TENT4B: variants seen among roughly 807,000 people sequenced by gnomAD.
The protein encoded by TENT4B is terminal nucleotidyltransferase 4B, also known as PAP associated domain containing 5.
A neutral mutation model predicts 75.0 loss-of-function variants in TENT4B; 10 were observed. The observed-to-expected ratio is 0.13, with a 90% CI of 0.08 to 0.23. The LOEUF (loss-of-function observed/expected upper bound fraction) is 0.23, where lower values mean the gene tolerates loss of function less well. Ranked by LOEUF, TENT4B falls within the 10% of genes least tolerant of loss-of-function variation. The probability of loss-of-function intolerance (pLI) is 1.00; values close to 1 mark genes in which losing one functional copy is unlikely to be tolerated. For missense variants in TENT4B, 579 were observed against 893.8 expected, an observed-to-expected ratio of 0.65 and a Z score of 4.49; for synonymous variants, 350 against 357.7, an observed-to-expected ratio of 0.98 and a Z score of 0.24.
intron 4 of TENT4B, 74 bp downstream of exon 4, chr16:50,216,269 GT>G: frequency 1.3e-6 from 2 of 1,547,958 alleles, no homozygotes; most frequent in South Asian, 2.3e-5. Context: ...TTAAAGTTTG[GT>G]GAGCACAGTT....
At chr16:50,177,497 G>T (rs573702185) in intron 1 of TENT4B, among the ~76,000 whole-genome samples, 3 of 152,018 alleles carry the variant, frequency 2.0e-5, no homozygotes, top group African/African-American at 7.2e-5. Flanking sequence ...TTTCATCTAG[G>T]TTATCAAATT....
chr16:50,165,124 T>A (rs942461120), intron 1 of TENT4B, among the ~76,000 whole-genome samples: 10 of 152,274 alleles, frequency 6.6e-5, no homozygotes, highest in African/African-American at 1.4e-4. Context: ...ATACCATTTT[T>A]AATATCTCAT....
At chr16:50,180,330 C>T (rs1416632781) in intron 1 of TENT4B, among the ~76,000 whole-genome samples, 1 of 152,146 alleles carries the variant, frequency 6.6e-6, no homozygotes, top group African/African-American at 2.4e-5. Context: ...GTCTCGAACT[C>T]CTAACCTTGT....
chr16:50,219,406 C>A (rs2031722534), intron 5 of TENT4B, among the ~76,000 whole-genome samples: 1 of 152,038 alleles, frequency 6.6e-6, no homozygotes, highest in Non-Finnish European at 1.5e-5. Context: ...TTGCTTTATT[C>A]TTTTTGTTGG....
chr16:50,204,696 T>C (rs2030848736), intron 1 of TENT4B, among the ~76,000 whole-genome samples: 1 of 152,210 alleles, frequency 6.6e-6, no homozygotes, highest in Non-Finnish European at 1.5e-5. Context: ...TACAAAATCA[T>C]GCAAATTCAG....
In TENT4B at chr16:50,230,418, T is replaced by C; in HGVS notation, c.*1090T>C. 2 of 985,836 alleles carry C rather than the reference T, an allele frequency of 2.0e-6. No individual in the cohort carries two copies. The highest frequency in any genetic ancestry group is 2.4e-6 in the Non-Finnish European group (2 of 829,912). The allele number at this position is 985,836 out of a possible 1,614,324, so 61.1% of individuals were successfully genotyped here. A position where few individuals can be genotyped will look rare whatever the true frequency, so the allele number is the denominator to read the frequency against. Reference sequence around the variant, plus strand: ...ACCCTGTGTGCTGCGTGTGCCTGTTTCTCATCTCTTATTCTTTTTAAAATT... The same window carrying C: ...ACCCTGTGTGCTGCGTGTGCCTGTTCCTCATCTCTTATTCTTTTTAAAATT... On this transcript the variant is annotated 3_prime_UTR_variant, in exon 12 of 12. Transcript: ENST00000561678.
chr16:50,169,446 T>A (rs1363534293), intron 1 of TENT4B, among the ~76,000 whole-genome samples: 1 of 142,268 alleles, frequency 7.0e-6, no homozygotes, highest in Non-Finnish European at 1.5e-5. Flanking sequence ...GGTGTGTACA[T>A]CTCTCAGAAG....
Position 50,153,351 on chromosome 16 carries a change from C to A in TENT4B, c.-271C>A, listed in dbSNP as rs2037809209. Among the ~76,000 whole-genome samples, 1 of 145,080 alleles carries A rather than the reference C, an allele frequency of 6.9e-6. No homozygotes were observed. Among genetic ancestry groups the A allele is most frequent in the East Asian group, 2.0e-4 (1 of 4,942 alleles). ...CCGCCGCCGCCATTTGCACGGGGAC[C>A]CCAGTGACAGGGGCTCGGCGGAGGG... On this transcript the variant is annotated 5_prime_UTR_variant, in exon 1 of 12. Transcript: ENST00000561678.
chr16:50,211,909 A>T (rs1473615298), intron 2 of TENT4B, among the ~76,000 whole-genome samples: 1 of 152,214 alleles, frequency 6.6e-6, no homozygotes, highest in African/African-American at 2.4e-5. Context: ...TAATGCACGC[A>T]TAAGTCTTTT....
rs2032195099 is a variant in TENT4B at position 50,229,315 on chromosome 16, A to G, written c.2129A>G (p.Asp710Gly). 6.2e-7 allele frequency: 1 copy of G among 1,612,670 alleles called. No individual in the cohort carries two copies. Among genetic ancestry groups the G allele is most frequent in the Admixed American group, 1.7e-5 (1 of 59,762 alleles). ...RKHKRDAPLS[D>G]LCR ...CACAAGAGGGACGCGCCCCTCTCAG[A>G]CCTCTGTAGATAGTCAGCGCTGCGC... The change falls in exon 12 of 12, where the codon GAC becomes GGC. Residue 710 changes from aspartate to glycine, a missense_variant. Asp to Gly is a moderately conservative substitution (Grantham distance 94). Around this residue, in one of 7 missense-constraint regions of TENT4B, gnomAD observed 164 missense variants for 226.5 expected, o/e 0.72. Transcript: ENST00000561678.
At chr16:50,216,640 G>A (rs1221182997) in intron 4 of TENT4B, among the ~76,000 whole-genome samples, 2 of 151,738 alleles carry the variant, frequency 1.3e-5, no homozygotes. Flanking sequence ...AGCAAAATAT[G>A]CAATTTTATT....
intron 5 of TENT4B, among the ~76,000 whole-genome samples, chr16:50,220,658 A>G (rs2031785245): frequency 6.6e-6 from 1 of 152,008 alleles, no homozygotes; most frequent in Non-Finnish European, 1.5e-5. Context: ...CCTCCAGAAT[A>G]GCTGGGACTA....
chr16:50,212,565 A>G (rs1050596333), intron 2 of TENT4B, among the ~76,000 whole-genome samples: 3 of 152,188 alleles, frequency 2.0e-5, no homozygotes, highest in African/African-American at 7.2e-5. Context: ...GTTTCATTGT[A>G]TGTAAAACTT....
chr16:50,173,954 A>G (rs2038254658), intron 1 of TENT4B, among the ~76,000 whole-genome samples: 1 of 152,112 alleles, frequency 6.6e-6, no homozygotes, highest in Admixed American at 6.5e-5. Context: ...TCGGCCTCCC[A>G]AAGTGCTGGG....
chr16:50,227,712 C>T (rs2032116112), intron 10 of TENT4B, 127 bp from the exon 11 acceptor site: 1 of 995,584 alleles, frequency 1.0e-6, no homozygotes, highest in Admixed American at 2.8e-5. Flanking sequence ...TTTTTGTGTG[C>T]TTCTTTTAAC....
At chr16:50,216,853 T>TCC (rs1469433357) in intron 4 of TENT4B, among the ~76,000 whole-genome samples, 1 of 152,172 alleles carries the variant, frequency 6.6e-6, no homozygotes, top group African/African-American at 2.4e-5. Flanking sequence ...AGATAGGGTC[T>TCC]CCCTGTGTTG....
chr16:50,219,678 C>T (rs1242004927), intron 5 of TENT4B, among the ~76,000 whole-genome samples: 1 of 145,716 alleles, frequency 6.9e-6, no homozygotes, highest in Non-Finnish European at 1.5e-5. Flanking sequence ...CTCTCTCCCT[C>T]CCCCTTTTCT....
At chr16:50,212,231 A>AT (rs1449475325) in intron 2 of TENT4B, among the ~76,000 whole-genome samples, 3 of 151,608 alleles carry the variant, frequency 2.0e-5, no homozygotes, top group African/African-American at 7.3e-5. Context: ...TAATTTTTGT[A>AT]TTTTTTTGTA....
intron 1 of TENT4B, among the ~76,000 whole-genome samples, chr16:50,188,208 T>TGCGGCAGATTTGGAGGCC (rs2038571155): frequency 6.6e-6 from 1 of 152,344 alleles, no homozygotes; most frequent in East Asian, 1.9e-4. Context: ...GTATTGTTGC[T>TGCGGCAGATTTGGAGGCC]GTGGCAGATT....
Sources: gnomAD v4.1 joint callset for allele counts (sites outside exome capture counted in the v4.1 genomes callset) on GRCh38, gnomAD v4.1.1 for gene constraint, gnomAD v4.1.1 regional missense constraint, MANE v1.5 for transcripts, NCBI Gene and HGNC (gene_info 2026-07-23, HGNC 2026-07-21) for gene names.